The following OSBPL10 variants were observed in gnomAD, a reference collection of about 807,000 sequenced individuals.
The protein encoded by OSBPL10 is oxysterol-binding protein-related protein 10.
A neutral mutation model predicts 81.7 loss-of-function variants in OSBPL10; 49 were observed. The observed-to-expected ratio is 0.60, with a 90% CI of 0.48 to 0.76. The LOEUF is 0.76. Ranked by LOEUF, OSBPL10 falls within the 30% of genes least tolerant of loss-of-function variation. The probability of loss-of-function intolerance (pLI) is 0.00; values close to 1 mark genes in which losing one functional copy is unlikely to be tolerated. For missense variants in OSBPL10, 923 were observed against 987.8 expected (o/e 0.93, Z 0.88); for synonymous variants, 419 against 383.6 (o/e 1.09, Z -1.08).
chr3:31,701,946 C>G, intron 7 of OSBPL10: 1 of 165,714 alleles, frequency 6.0e-6, no homozygotes, highest in South Asian at 1.7e-4. Flanking sequence ...GGCGTCATTC[C>G]TGGTGCCACC....
chr3:31,745,734 G>C (rs773133681), intron 5 of OSBPL10, among the ~76,000 whole-genome samples: 1 of 152,078 alleles, frequency 6.6e-6, no homozygotes, highest in Non-Finnish European at 1.5e-5. Context: ...CTGAACGATG[G>C]GCATAATCAT....
intron 8 of OSBPL10, among the ~76,000 whole-genome samples, chr3:31,674,737 C>G (rs918857619): frequency 4.6e-5 from 7 of 152,214 alleles, no homozygotes; most frequent in African/African-American, 1.4e-4. Context: ...CTGAGGCCCT[C>G]GTCAGAAGCA....
At chr3:31,874,223 CAAAAT>C (rs1701397686) in intron 3 of OSBPL10, among the ~76,000 whole-genome samples, 1 of 151,768 alleles carries the variant, frequency 6.6e-6, no homozygotes, top group African/African-American at 2.4e-5. Flanking sequence ...TTCCCACTCC[CAAAAT>C]AAATTCCAGA....
chr3:31,664,779 G>C (rs1700150205), intron 10 of OSBPL10, among the ~76,000 whole-genome samples: 2 of 152,180 alleles, frequency 1.3e-5, no homozygotes, highest in Non-Finnish European at 2.9e-5. Flanking sequence ...TGATGCATGT[G>C]TGATGTGTGG....
At chr3:32,047,115 C>T (rs1004360625) in intron 1 of OSBPL10, among the ~76,000 whole-genome samples, 2 of 152,088 alleles carry the variant, frequency 1.3e-5, no homozygotes, top group African/African-American at 4.8e-5. Flanking sequence ...ATAGCTGAGA[C>T]TCTAGGTGTG....
chr3:31,720,881 C>CAAAAAAA (rs61492992), intron 6 of OSBPL10, among the ~76,000 whole-genome samples: 30 of 66,288 alleles, frequency 4.5e-4, no homozygotes, highest in African/African-American at 1.7e-3. Flanking sequence ...GACTCTGTCT[C>CAAAAAAA]AAAAAAAAAA....
chr3:31,965,537 AATTATAT>A (rs1315463337), intron 1 of OSBPL10, among the ~76,000 whole-genome samples: 1 of 44,234 alleles, frequency 2.3e-5, no homozygotes, highest in Non-Finnish European at 3.2e-5. Context: ...ATATTATATA[AATTATAT>A]ATTATATATT....
rs147420352 is a variant in OSBPL10, at chr3:31,677,528, A to G, written c.1726+6106T>C. On this transcript the variant is annotated intron_variant, in intron 8 of 11. Coordinates refer to ENST00000396556, the MANE Select transcript of OSBPL10 (RefSeq NM_017784.5). ...TCTGAACTCAGCATGCTATTGAGAA[A>G]TTCTGAGTGGCATTTTCAAGCAGTT... Among the ~76,000 whole-genome samples the G allele has an allele frequency of 7.3e-3, 1,114 of 152,316 alleles. 17 individuals are homozygous for G. Among genetic ancestry groups the G allele is most frequent in the African/African-American group, 0.025 (1,059 of 41,560 alleles).
Position 32,066,008 on chromosome 3 carries a change from A to G in OSBPL10, n.185+11388T>C, listed in dbSNP as rs1262523219. On this transcript the variant is annotated intron_variant and non_coding_transcript_variant, in intron 1 of 3. Transcript: ENST00000479173. ...GAAAGAAAGAAAGAAAGAAAGAAAG[A>G]GAAAGAAAGAAAGAAAGAGAGAGAG... Among the ~76,000 whole-genome samples the G allele has an allele frequency of 3.7e-5, 2 of 53,840 alleles. 1 individual carries two copies. Among genetic ancestry groups the G allele is most frequent in the African/African-American group, 8.4e-5 (2 of 23,780 alleles). The allele number at this position is 53,840 out of a possible 152,430, so 35.3% of individuals were successfully genotyped here. A position where few individuals can be genotyped will look rare whatever the true frequency, so the allele number is the denominator to read the frequency against.
At chr3:32,041,066 T>C (rs1202509677) in intron 2 of OSBPL10, among the ~76,000 whole-genome samples, 3 of 152,184 alleles carry the variant, frequency 2.0e-5, no homozygotes, top group Non-Finnish European at 4.4e-5. Flanking sequence ...GGTTCAGGTA[T>C]ATCTGGGCAG....
intron 2 of OSBPL10, among the ~76,000 whole-genome samples, chr3:32,040,645 G>A (rs116117311): frequency 0.011 from 1,654 of 151,908 alleles, 41 homozygotes; most frequent in African/African-American, 0.037. Flanking sequence ...AGACCAGCCT[G>A]GGAAGCATAG....
chr3:31,966,153 A>ATGTC (rs1472350138), intron 1 of OSBPL10, among the ~76,000 whole-genome samples: 108 of 134,894 alleles, frequency 8.0e-4, no homozygotes, highest in African/African-American at 2.5e-3. Context: ...CAACAAAATT[A>ATGTC]TGTGTGTGTG....
At chr3:31,782,041 C>T (rs1698710251) in intron 4 of OSBPL10, among the ~76,000 whole-genome samples, 1 of 152,184 alleles carries the variant, frequency 6.6e-6, no homozygotes, top group Admixed American at 6.5e-5. Flanking sequence ...ATCACATTAC[C>T]TGACTTGAAA....
chr3:32,013,169 T>C (rs1397322198), intron 2 of OSBPL10, among the ~76,000 whole-genome samples: 1 of 152,118 alleles, frequency 6.6e-6, no homozygotes, highest in East Asian at 1.9e-4. Flanking sequence ...CTGCACTTAT[T>C]CCAAAATTGA....
At chr3:31,777,963 A>C (rs991763801) in intron 4 of OSBPL10, among the ~76,000 whole-genome samples, 1 of 152,238 alleles carries the variant, frequency 6.6e-6, no homozygotes, top group African/African-American at 2.4e-5. Flanking sequence ...GGGTGAAAGA[A>C]GCTTCCAGCT....
At chr3:32,006,198 G>A (rs983295657) in intron 2 of OSBPL10, among the ~76,000 whole-genome samples, 3 of 152,020 alleles carry the variant, frequency 2.0e-5, no homozygotes, top group Non-Finnish European at 2.9e-5. Context: ...CCTCTGCCTC[G>A]GCCTCTCAAA....
At chr3:32,012,174 T>G (rs1699266493) in intron 2 of OSBPL10, among the ~76,000 whole-genome samples, 1 of 151,818 alleles carries the variant, frequency 6.6e-6, no homozygotes, top group Non-Finnish European at 1.5e-5. Context: ...AAGGAAAAAA[T>G]GTTAAAGGCA....
In OSBPL10 at chr3:31,824,880, C is replaced by T. The variant is rs949445260; in HGVS notation, c.729+5160G>A. ...ATCATAGATCTTAAGCCTTCTTGTA[C>T]GCTCAACTGTTTCCTAGTGGAGCCA... On this transcript the variant is annotated intron_variant, in intron 4 of 11. Coordinates refer to ENST00000396556, the MANE Select transcript of OSBPL10 (RefSeq NM_017784.5). 8.5e-5 allele frequency among the ~76,000 whole-genome samples: 13 copies of T among 152,334 alleles called. No homozygotes were observed. In the East Asian group the frequency reaches 1.2e-3, roughly 14 times the overall value.
At chr3:31,895,292 C>T (rs1324454837) in intron 1 of OSBPL10, among the ~76,000 whole-genome samples, 1 of 151,542 alleles carries the variant, frequency 6.6e-6, no homozygotes, top group Non-Finnish European at 1.5e-5. Flanking sequence ...TCACCACGCC[C>T]GGCTAATTTT....
Sources: allele counts gnomAD v4.1 joint callset (sites outside exome capture counted in the v4.1 genomes callset), GRCh38; gene constraint gnomAD v4.1.1; transcripts MANE v1.5; gene names NCBI Gene and HGNC (gene_info 2026-07-23, HGNC 2026-07-21).